GDPD1: variants seen among roughly 807,000 people sequenced by gnomAD.
GDPD1 encodes glycerophosphodiester phosphodiesterase domain containing 1.
In GDPD1, 28 loss-of-function variants were observed where a neutral mutation model predicts 45.1. That is an observed-to-expected ratio of 0.62 (90% CI 0.46 to 0.85). The LOEUF (loss-of-function observed/expected upper bound fraction) is 0.85, where lower values mean the gene tolerates loss of function less well. Among genes scored for constraint, GDPD1 ranks in the 40% least tolerant of loss-of-function variants. GDPD1 has a pLI of 0.00. For missense variants in GDPD1, 256 were observed against 364.8 expected, an observed-to-expected ratio of 0.70 and a Z score of 2.43; for synonymous variants, 139 against 131.4, an observed-to-expected ratio of 1.06 and a Z score of -0.40.
intron 1 of GDPD1, among the ~76,000 whole-genome samples, chr17:59,233,236 G>A (rs535424096): frequency 6.6e-6 from 1 of 151,860 alleles, no homozygotes; most frequent in East Asian, 1.9e-4. Context: ...AAAACAGGCC[G>A]GGCGCGGTGG....
In GDPD1 at chr17:59,275,694, A is replaced by G. The variant is rs1032064795; in HGVS notation, c.*1921A>G. ...ATTAATCTGAGTATTAAGTAGAAAC[A>G]GAATTTTCCAAAGCATTAGACATCA... On this transcript the variant is annotated 3_prime_UTR_variant, in exon 10 of 10. Coordinates refer to ENST00000284116, the MANE Select transcript of GDPD1 (RefSeq NM_182569.4). 8 of 152,868 alleles carry G rather than the reference A, an allele frequency of 5.2e-5. No homozygotes were observed. Among genetic ancestry groups the G allele is most frequent in the Admixed American group, 5.2e-4 (8 of 15,362 alleles). The allele number at this position is 152,868 out of a possible 1,614,324, so 9.5% of individuals were successfully genotyped here. A position where few individuals can be genotyped will look rare whatever the true frequency, so the allele number is the denominator to read the frequency against.
chr17:59,257,622 C>A, intron 5 of GDPD1, 129 bp from the exon 6 acceptor site: 1 of 605,154 alleles, frequency 1.7e-6, no homozygotes, highest in Non-Finnish European at 2.9e-6. Context: ...TCTAAATTTA[C>A]ATATTGATTC....
At chr17:59,244,776 A>C (rs2047198382) in intron 2 of GDPD1, among the ~76,000 whole-genome samples, 1 of 152,108 alleles carries the variant, frequency 6.6e-6, no homozygotes, top group South Asian at 2.1e-4. Context: ...CAGGAGGATC[A>C]CATGAGCCCA....
intron 1 of GDPD1, among the ~76,000 whole-genome samples, chr17:59,234,164 G>A (rs2047113307): frequency 6.6e-6 from 1 of 151,820 alleles, no homozygotes. Context: ...TGGCTAACAC[G>A]GTGAAACCCC....
intron 4 of GDPD1, among the ~76,000 whole-genome samples, chr17:59,251,526 A>G (rs1004639778): frequency 6.6e-6 from 1 of 152,136 alleles, no homozygotes; most frequent in Non-Finnish European, 1.5e-5. Flanking sequence ...TCTCAAAAAA[A>G]AAAAGAACAA....
At chr17:59,262,084 A>C (rs2047361207) in intron 6 of GDPD1, among the ~76,000 whole-genome samples, 1 of 148,394 alleles carries the variant, frequency 6.7e-6, no homozygotes, top group African/African-American at 2.5e-5. Flanking sequence ...CGCCCGGCTA[A>C]TTTTTTTTTG....
Position 59,267,171 on chromosome 17 carries a change from T to G in GDPD1, c.707T>G (p.Leu236Arg), listed in dbSNP as rs919769455. 2 of 1,611,786 alleles carry G rather than the reference T, an allele frequency of 1.2e-6. No homozygotes were observed. Among genetic ancestry groups the G allele is most frequent in the Admixed American group, 1.7e-5 (1 of 59,600 alleles). Residue 236 changes from leucine (L) to arginine (R), a missense_variant, in exon 7 of 10, where the codon CTG (leucine) becomes CGG (arginine). Coordinates refer to ENST00000284116, the MANE Select transcript of GDPD1 (RefSeq NM_182569.4). ...FFEIPMPSII[L>R]KLKEPHTMSR... ...GAAATCCCAATGCCTTCTATTATAC[T>G]GAAGTAAGTGGTTACCCTTTTATTT...
intron 4 of GDPD1, among the ~76,000 whole-genome samples, chr17:59,250,522 G>A (rs917822947): frequency 6.6e-6 from 1 of 151,246 alleles, no homozygotes; most frequent in Non-Finnish European, 1.5e-5. Flanking sequence ...GACTTGAGGT[G>A]GGAGAATCCC....
At chr17:59,257,900 G>C (rs2047321940) in intron 6 of GDPD1, 60 bp downstream of exon 6, 1 of 1,129,458 alleles carries the variant, frequency 8.9e-7, no homozygotes, top group South Asian at 1.4e-5. Flanking sequence ...ATCTACAAAT[G>C]ATAAGTTATT....
Position 59,261,913 on chromosome 17 carries a change from C to CTTTTTTTTTTTTTTT in GDPD1, c.576+4081_576+4095dup, listed in dbSNP as rs58058526. Among the ~76,000 whole-genome samples, 9 of 79,330 alleles carry CTTTTTTTTTTTTTTT rather than the reference C, an allele frequency of 1.1e-4. 1 individual carries two copies. Among genetic ancestry groups the CTTTTTTTTTTTTTTT allele is most frequent in the African/African-American group, 3.2e-4 (5 of 15,692 alleles). The allele number at this position is 79,330 out of a possible 152,430, so 52.0% of individuals were successfully genotyped here. ...TTTCCCAAAGTGCTGAGATTACAGG[C>CTTTTTTTTTTTTTTT]TTTTTTTTTTTTTTTTTTTTTTGAG... On this transcript the variant is annotated intron_variant, in intron 6 of 9. Transcript: ENST00000284116.
At chr17:59,240,223 G>C (rs1001067211) in intron 2 of GDPD1, among the ~76,000 whole-genome samples, 6 of 151,684 alleles carry the variant, frequency 4.0e-5, no homozygotes, top group Non-Finnish European at 7.4e-5. Flanking sequence ...CCTGGAGAGC[G>C]GAAGTTGCAG....
chr17:59,230,755 C>T (rs937390136), intron 1 of GDPD1, among the ~76,000 whole-genome samples: 2 of 152,004 alleles, frequency 1.3e-5, no homozygotes, highest in Admixed American at 6.6e-5. Flanking sequence ...CTGCTGGTCA[C>T]GAAGCAGCAA....
At chr17:59,254,822 C>G (rs188709544) in intron 4 of GDPD1, among the ~76,000 whole-genome samples, 1 of 152,146 alleles carries the variant, frequency 6.6e-6, no homozygotes, top group Non-Finnish European at 1.5e-5. Context: ...TTTAGGGACA[C>G]CCTTTCCACA....
chr17:59,272,647 C>T, intron 8 of GDPD1, 138 bp from the exon 9 acceptor site: 1 of 613,442 alleles, frequency 1.6e-6, no homozygotes, highest in Non-Finnish European at 3.0e-6. Flanking sequence ...TAATTCACAA[C>T]AGCTATTATT....
At chr17:59,237,599 C>T (rs1323304166) in intron 2 of GDPD1, among the ~76,000 whole-genome samples, 1 of 151,924 alleles carries the variant, frequency 6.6e-6, no homozygotes, top group African/African-American at 2.4e-5. Context: ...TATTTATGTA[C>T]ATATTTAAAT....
chr17:59,230,071 G>A (rs539397258), intron 1 of GDPD1, among the ~76,000 whole-genome samples: 2 of 152,122 alleles, frequency 1.3e-5, no homozygotes, highest in African/African-American at 2.4e-5. Context: ...GAGAAAAATA[G>A]GTAACATTTA....
chr17:59,247,786 A>G (rs1430811298), intron 3 of GDPD1, among the ~76,000 whole-genome samples: 1 of 151,838 alleles, frequency 6.6e-6, no homozygotes, highest in African/African-American at 2.4e-5. Flanking sequence ...ATGCGCCACC[A>G]CACCTGGCTA....
rs1426420445 is a variant in GDPD1 at position 59,220,640 on chromosome 17, T to G, written c.31T>G (p.Ser11Ala). The G allele has an allele frequency of 1.7e-5, 28 of 1,613,788 alleles. No individual in the cohort carries two copies. Among genetic ancestry groups the G allele is most frequent in the Non-Finnish European group, 2.4e-5 (28 of 1,179,920 alleles). MSSTAAFYLL[S>A]TLGGYLVTSF... Reference sequence around the variant, plus strand: ...GTCCACTGCGGCTTTTTACCTTCTCTCTACGCTAGGAGGATACTTGGTGAC... The same window carrying G: ...GTCCACTGCGGCTTTTTACCTTCTCGCTACGCTAGGAGGATACTTGGTGAC... The change falls in exon 1 of 10, where the codon TCT becomes GCT. Residue 11 changes from serine to alanine, a missense_variant. By Grantham distance (99) the Ser-to-Ala change is moderately conservative. Coordinates refer to ENST00000284116, the MANE Select transcript of GDPD1 (RefSeq NM_182569.4).
At chr17:59,230,332 TGAAAG>T (rs2047078966) in intron 1 of GDPD1, among the ~76,000 whole-genome samples, 1 of 147,464 alleles carries the variant, frequency 6.8e-6, no homozygotes, top group Non-Finnish European at 1.5e-5. Context: ...GAAGTTAAAA[TGAAAG>T]GAACTGTGAA....
Sources: allele counts gnomAD v4.1 joint callset (sites outside exome capture counted in the v4.1 genomes callset), GRCh38; gene constraint gnomAD v4.1.1; transcripts MANE v1.5; gene names NCBI Gene and HGNC (gene_info 2026-07-23, HGNC 2026-07-21).